The following SLC31A1 variants were observed in gnomAD, a reference collection of about 807,000 sequenced individuals.
SLC31A1 encodes solute carrier family 31 member 1.
Under a neutral mutation model 17.2 loss-of-function variants are expected in SLC31A1, and 5 were observed. That is an observed-to-expected ratio of 0.29 (90% confidence interval 0.15 to 0.61). The LOEUF is 0.61. Among genes scored for constraint, SLC31A1 ranks in the 20% least tolerant of loss-of-function variants. The probability of loss-of-function intolerance (pLI) is 0.86; values close to 1 mark genes in which losing one functional copy is unlikely to be tolerated. For missense variants in SLC31A1, 161 were observed against 241.4 expected, an observed-to-expected ratio of 0.67 and a Z score of 2.21; for synonymous variants, 76 against 78.8, an observed-to-expected ratio of 0.96 and a Z score of 0.19.
intron 1 of SLC31A1, among the ~76,000 whole-genome samples, chr9:113,255,401 T>C (rs1426673182): frequency 6.6e-6 from 1 of 152,228 alleles, no homozygotes; most frequent in Non-Finnish European, 1.5e-5. Context: ...AGTTTGAACA[T>C]ATATTAAGCA....
intron 1 of SLC31A1, among the ~76,000 whole-genome samples, chr9:113,251,075 T>C (rs1303424335): frequency 3.3e-5 from 5 of 152,182 alleles, no homozygotes; most frequent in African/African-American, 1.2e-4. Context: ...CAGCCTGAGG[T>C]ATTCTGTTAT....
chr9:113,235,714 T>A (rs1435772183), intron 1 of SLC31A1, among the ~76,000 whole-genome samples: 1 of 152,182 alleles, frequency 6.6e-6, no homozygotes, highest in Non-Finnish European at 1.5e-5. Flanking sequence ...GTTACTGTTC[T>A]GGGTAACAAT....
At chr9:113,223,171 TA>T in intron 1 of SLC31A1, 2 of 428,252 alleles carry the variant, frequency 4.7e-6, no homozygotes, top group South Asian at 1.7e-5. Context: ...TCAGGAATCC[TA>T]AAATCAATAG....
intron 1 of SLC31A1, among the ~76,000 whole-genome samples, chr9:113,236,825 T>A (rs1831465804): frequency 6.6e-6 from 1 of 152,232 alleles, no homozygotes; most frequent in Non-Finnish European, 1.5e-5. Context: ...TCTTACATTT[T>A]TCAAATTGTA....
At chr9:113,222,715 C>T (rs1169777526) in intron 1 of SLC31A1, among the ~76,000 whole-genome samples, 1 of 152,170 alleles carries the variant, frequency 6.6e-6, no homozygotes, top group Non-Finnish European at 1.5e-5. Flanking sequence ...TGGAATGATG[C>T]AACTGGAATC....
intron 1 of SLC31A1, among the ~76,000 whole-genome samples, chr9:113,231,054 C>T (rs760974544): frequency 2.0e-5 from 3 of 152,038 alleles, no homozygotes; most frequent in Non-Finnish European, 2.9e-5. Context: ...GTGATCTGAC[C>T]TCACTTTGCT....
chr9:113,226,135 CA>C (rs34302331), intron 1 of SLC31A1, among the ~76,000 whole-genome samples: 36,574 of 119,740 alleles, frequency 0.31, 4,491 homozygotes, highest in Admixed American at 0.32. Flanking sequence ...GACTCCATCT[CA>C]AAAAAAAAAA....
At chr9:113,228,270 T>C (rs1831364292) in intron 1 of SLC31A1, among the ~76,000 whole-genome samples, 1 of 152,176 alleles carries the variant, frequency 6.6e-6, no homozygotes, top group African/African-American at 2.4e-5. Context: ...GTTAGCGGAC[T>C]GGAAGTGCGT....
At chr9:113,252,167 T>C (rs1831661518) in intron 1 of SLC31A1, among the ~76,000 whole-genome samples, 1 of 152,218 alleles carries the variant, frequency 6.6e-6, no homozygotes. Context: ...ATTTCTCTAA[T>C]TGATAATGAG....
chr9:113,253,956 G>GTATTTT (rs1279375325), intron 1 of SLC31A1, among the ~76,000 whole-genome samples: 1 of 86,084 alleles, frequency 1.2e-5, no homozygotes. Context: ...CCTACCCACA[G>GTATTTT]TCTTTTTTTT....
chr9:113,222,760 A>G (rs142938621), intron 1 of SLC31A1, among the ~76,000 whole-genome samples: 3 of 152,334 alleles, frequency 2.0e-5, no homozygotes, highest in African/African-American at 7.2e-5. Flanking sequence ...CTAGAATCTA[A>G]GGACTAGCAC....
chr9:113,225,277 GA>G (rs1831328293), intron 1 of SLC31A1, among the ~76,000 whole-genome samples: 1 of 152,188 alleles, frequency 6.6e-6, no homozygotes, highest in Admixed American at 6.5e-5. Flanking sequence ...GTTCACAGAA[GA>G]AAGTAATGGA....
intron 1 of SLC31A1, among the ~76,000 whole-genome samples, chr9:113,249,346 ATCTT>A (rs904757993): frequency 6.7e-6 from 1 of 150,040 alleles, no homozygotes; most frequent in Admixed American, 6.6e-5. Context: ...AGTAATTCTA[ATCTT>A]TCTTTGTTTT....
At chr9:113,238,273 G>A (rs114040189) in intron 1 of SLC31A1, among the ~76,000 whole-genome samples, 4,467 of 152,286 alleles carry the variant, frequency 0.029, 86 homozygotes, top group African/African-American at 0.036. Flanking sequence ...CAGGGATACT[G>A]TTAAACATCC....
At chr9:113,246,573 G>A (rs2119004520) in intron 1 of SLC31A1, among the ~76,000 whole-genome samples, 2 of 152,046 alleles carry the variant, frequency 1.3e-5, no homozygotes, top group South Asian at 4.2e-4. Flanking sequence ...GGATGGTCTT[G>A]ATCTTCTGAC....
intron 1 of SLC31A1, among the ~76,000 whole-genome samples, chr9:113,251,837 T>A (rs966811520): frequency 6.6e-6 from 1 of 152,226 alleles, no homozygotes; most frequent in African/African-American, 2.4e-5. Context: ...TAAGGACTTA[T>A]CAGGATTGGT....
chr9:113,230,954 T>C (rs376029602), intron 1 of SLC31A1, among the ~76,000 whole-genome samples: 1 of 152,150 alleles, frequency 6.6e-6, no homozygotes, highest in African/African-American at 2.4e-5. Context: ...AGCCAGAGCC[T>C]CCATCCTTTC....
chr9:113,250,013 A>G (rs1831628734), intron 1 of SLC31A1, among the ~76,000 whole-genome samples: 1 of 152,082 alleles, frequency 6.6e-6, no homozygotes, highest in East Asian at 1.9e-4. Context: ...GCAATCATTA[A>G]AAAGTCAGGA....
rs575220186 is a variant in SLC31A1 at position 113,257,353 on chromosome 9, CT to C, written c.202+174del. 4.7e-4 allele frequency among the ~76,000 whole-genome samples: 72 copies of C among 151,970 alleles called. 1 individual carries two copies. Among genetic ancestry groups the C allele is most frequent in the Non-Finnish European group, 9.1e-4 (62 of 68,010 alleles). ...TACCTAGAAGGTAGGAAACACAGTA[CT>C]TTTTTGGTCCTCTGGTAAACCTCTG... On this transcript the variant is annotated intron_variant, in intron 3 of 4. Coordinates refer to ENST00000374212, the MANE Select transcript of SLC31A1 (RefSeq NM_001859.4).
Sources: gnomAD v4.1 joint callset for allele counts (sites outside exome capture counted in the v4.1 genomes callset) on GRCh38, gnomAD v4.1.1 for gene constraint, MANE v1.5 for transcripts, NCBI Gene and HGNC (gene_info 2026-07-23, HGNC 2026-07-21) for gene names.